SP140: variants seen among roughly 807,000 people sequenced by gnomAD.
SP140 encodes the protein SP140 nuclear body protein, also known as nuclear body protein SP140.
A neutral mutation model predicts 125.0 loss-of-function variants in SP140; 81 were observed. That is an observed-to-expected ratio of 0.65 (90% confidence interval 0.54 to 0.78). SP140 has a LOEUF of 0.78. Ranked by LOEUF, SP140 falls within the 30% of genes least tolerant of loss-of-function variation. The probability of loss-of-function intolerance (pLI) is 0.00; values close to 1 mark genes in which losing one functional copy is unlikely to be tolerated. For missense variants in SP140, 858 were observed against 1,037.0 expected, an observed-to-expected ratio of 0.83 and a Z score of 2.37; for synonymous variants, 312 against 354.0, an observed-to-expected ratio of 0.88 and a Z score of 1.33.
chr2:230,242,414 A>C (rs529492528), intron 4 of SP140, among the ~76,000 whole-genome samples: 9 of 152,300 alleles, frequency 5.9e-5, no homozygotes, highest in Non-Finnish European at 8.8e-5. Flanking sequence ...TTCCCACATC[A>C]AAGTGGCACT....
intron 1 of SP140, among the ~76,000 whole-genome samples, chr2:230,230,071 A>G (rs2047028419): frequency 6.6e-6 from 1 of 152,184 alleles, no homozygotes; most frequent in Non-Finnish European, 1.5e-5. Flanking sequence ...CATTGAGAAT[A>G]GTAGGAGTTG....
At chr2:230,256,298 A>G (rs989201586) in intron 12 of SP140, among the ~76,000 whole-genome samples, 3 of 152,116 alleles carry the variant, frequency 2.0e-5, no homozygotes, top group Non-Finnish European at 4.4e-5. Flanking sequence ...GATAGACTGG[A>G]TTAAGAAAAT....
At chr2:230,270,785 C>G (rs1442160559) in intron 15 of SP140, 146 bp downstream of exon 15, 3 of 768,022 alleles carry the variant, frequency 3.9e-6, no homozygotes, top group Non-Finnish European at 6.8e-6. Context: ...ATGTCTACCT[C>G]CTAATCCCTG....
intron 22 of SP140, among the ~76,000 whole-genome samples, chr2:230,301,520 T>C (rs990129817): frequency 1.3e-5 from 2 of 152,248 alleles, no homozygotes; most frequent in African/African-American, 4.8e-5. Flanking sequence ...CCAAGAATTT[T>C]GTATCCAAGA....
chr2:230,284,023 A>T lies in SP140; in HGVS notation c.1499-323A>T, dbSNP rs555928584. 6.7e-4 allele frequency among the ~76,000 whole-genome samples: 102 copies of T among 152,328 alleles called. 1 individual carries two copies. Among genetic ancestry groups the T allele is most frequent in the Admixed American group, 1.3e-3 (20 of 15,296 alleles). Reference sequence around the variant, plus strand: ...CCTCTCATTGCACATTTGAATTTACACAACAAACACTTGAAAAAGCAACAT... The same window carrying T: ...CCTCTCATTGCACATTTGAATTTACTCAACAAACACTTGAAAAAGCAACAT... On this transcript the variant is annotated intron_variant, in intron 15 of 26. Coordinates refer to ENST00000392045, the MANE Select transcript of SP140 (RefSeq NM_007237.5).
At chr2:230,250,454 C>T (rs1046783565) in intron 9 of SP140, among the ~76,000 whole-genome samples, 1 of 152,170 alleles carries the variant, frequency 6.6e-6, no homozygotes, top group Non-Finnish European at 1.5e-5. Flanking sequence ...TTCCCCTGTA[C>T]TCTGTATTGT....
In SP140 at chr2:230,277,565, A is replaced by C. The variant is rs140908202; in HGVS notation, c.1499-6781A>C. ...AGATATGCCTGTATCTTTATCCCAA[A>C]GAAGCTTGAAATTTTTATCTGATCA... is the stretch of plus-strand genomic sequence containing the variant. On this transcript the variant is annotated intron_variant, in intron 15 of 26. Coordinates refer to ENST00000392045, the MANE Select transcript of SP140 (RefSeq NM_007237.5). Among the ~76,000 whole-genome samples, 428 of 152,262 alleles carry C rather than the reference A, an allele frequency of 2.8e-3. 2 individuals carry two copies. The highest frequency in any genetic ancestry group is 9.8e-3 in the African/African-American group (407 of 41,552).
intron 22 of SP140, 25 bp from the exon 23 acceptor site, chr2:230,309,899 A>G: frequency 1.2e-6 from 2 of 1,611,960 alleles, no homozygotes; most frequent in Non-Finnish European, 1.7e-6. Context: ...GTTCCCAGTG[A>G]CGTGGACACT....
rs568864997 is a variant in SP140 at position 230,269,840 on chromosome 2, C to T, written c.1331C>T (p.Ala444Val). ...SSLLYDNVPGAEQSAYENEKC... is the reference protein window; with the variant it reads ...SSLLYDNVPGVEQSAYENEKC... ...ATGAATCACAATTTTGGCCCAGGAG[C>T]GGAGCAATCAGCATATGAAAATGAG... Residue 444 changes from alanine (A) to valine (V), a missense_variant, in exon 14 of 27, where the codon GCG (alanine) becomes GTG (valine). Transcript: ENST00000392045. 2.4e-5 allele frequency: 38 copies of T among 1,612,554 alleles called. No individual in the cohort carries two copies. Among genetic ancestry groups the T allele is most frequent in the African/African-American group, 4.0e-5 (3 of 74,972 alleles).
chr2:230,244,329 T>G (rs781678931), intron 5 of SP140, among the ~76,000 whole-genome samples: 1 of 152,198 alleles, frequency 6.6e-6, no homozygotes, highest in African/African-American at 2.4e-5. Flanking sequence ...AAAGTAGAAG[T>G]AGAAGCATAG....
intron 9 of SP140, among the ~76,000 whole-genome samples, chr2:230,249,503 G>A (rs770333345): frequency 6.6e-6 from 1 of 152,118 alleles, no homozygotes; most frequent in African/African-American, 2.4e-5. Context: ...CTTTGAGAAT[G>A]AGGAAAATAT....
intron 15 of SP140, among the ~76,000 whole-genome samples, chr2:230,271,073 C>T (rs1212418267): frequency 6.6e-6 from 1 of 152,136 alleles, no homozygotes; most frequent in Non-Finnish European, 1.5e-5. Context: ...AATAGCTTGT[C>T]CTTTCCAGCT....
Position 230,293,277 on chromosome 2 carries a change from G to T in SP140, c.1968+489G>T, listed in dbSNP as rs1260076993. On this transcript the variant is annotated intron_variant, in intron 20 of 26. Transcript: ENST00000392045. ...CTAAGGAGTTTAAACCTGTAATTGAGATAACAAGGATTCAGTGAAATCTTC... is the reference window on the plus strand; with the variant it reads ...CTAAGGAGTTTAAACCTGTAATTGATATAACAAGGATTCAGTGAAATCTTC... 2.0e-5 allele frequency among the ~76,000 whole-genome samples: 3 copies of T among 152,156 alleles called. No individual in the cohort carries two copies. The East Asian group carries it at 5.8e-4, about 29-fold the overall frequency.
At chr2:230,289,046 G>C (rs1225712067) in intron 18 of SP140, among the ~76,000 whole-genome samples, 1 of 152,214 alleles carries the variant, frequency 6.6e-6, no homozygotes, top group Non-Finnish European at 1.5e-5. Context: ...TCGCCACACT[G>C]TCTTCCATAA....
chr2:230,189,166 A>C, the SP140 span, among the ~76,000 whole-genome samples: 1 of 151,470 alleles, frequency 6.6e-6, no homozygotes. Context: ...CTTTTTGTTT[A>C]ATTGATCTTT....
chr2:230,289,565 C>T (rs1559339464), intron 18 of SP140, among the ~76,000 whole-genome samples: 1 of 152,182 alleles, frequency 6.6e-6, no homozygotes, highest in Non-Finnish European at 1.5e-5. Flanking sequence ...GACTCCACCT[C>T]CCAGGATCCA....
intron 22 of SP140, among the ~76,000 whole-genome samples, chr2:230,307,988 T>TATATAC (rs1553607408): frequency 4.8e-4 from 36 of 74,424 alleles, no homozygotes; most frequent in African/African-American, 1.9e-3. Flanking sequence ...TATATATATA[T>TATATAC]ATACACACAC....
chr2:230,198,821 C>T (rs2042994631), upstream of SP140, among the ~76,000 whole-genome samples: 1 of 152,164 alleles, frequency 6.6e-6, no homozygotes, highest in Non-Finnish European at 1.5e-5. Flanking sequence ...TGGTCTTGAA[C>T]TTCCAACCTG....
intron 3 of SP140, chr2:230,220,155 G>A (rs2045684375): frequency 3.5e-6 from 3 of 858,246 alleles, no homozygotes. Context: ...TTTGGGGGAG[G>A]GCGTGTTGCC....
Sources: allele counts gnomAD v4.1 joint callset (sites outside exome capture counted in the v4.1 genomes callset), GRCh38; gene constraint gnomAD v4.1.1; transcripts MANE v1.5; gene names NCBI Gene and HGNC (gene_info 2026-07-23, HGNC 2026-07-21).